Variants in FHIT observed in about 807,000 individuals in gnomAD.
FHIT encodes the protein fragile histidine triad diadenosine triphosphatase.
A neutral mutation model predicts 17.9 loss-of-function variants in FHIT; 19 were observed. That is an observed-to-expected ratio of 1.06 (90% CI 0.74 to 1.56). FHIT has a LOEUF of 1.56. Among genes scored for constraint, FHIT ranks in the 40% most tolerant of loss-of-function variants. FHIT has a pLI of 0.00. For missense variants in FHIT, 248 were observed against 189.2 expected (o/e 1.31, Z -1.82); for synonymous variants, 81 against 69.7 (o/e 1.16, Z -0.81).
chr3:60,620,409 T>G (rs2039086785), intron 4 of FHIT, among the ~76,000 whole-genome samples: 1 of 152,140 alleles, frequency 6.6e-6, no homozygotes, highest in African/African-American at 2.4e-5. Context: ...TGACCTTCAG[T>G]AAGTGAATGA....
chr3:60,902,263 C>T (rs180796018), intron 3 of FHIT, among the ~76,000 whole-genome samples: 1 of 152,110 alleles, frequency 6.6e-6, no homozygotes, highest in African/African-American at 2.4e-5. Flanking sequence ...AATCATAAAC[C>T]ATTTATGTCT....
intron 7 of FHIT, among the ~76,000 whole-genome samples, chr3:59,945,402 A>T (rs1216739537): frequency 1.3e-5 from 2 of 152,030 alleles, no homozygotes; most frequent in Non-Finnish European, 2.9e-5. Flanking sequence ...TAAATTCCTT[A>T]TAGAGTCTGA....
chr3:60,199,488 G>A (rs138585662), intron 5 of FHIT, among the ~76,000 whole-genome samples: 244 of 152,176 alleles, frequency 1.6e-3, no homozygotes, highest in African/African-American at 5.8e-3. Flanking sequence ...ATTTAACTGT[G>A]GGTCCTCAAA....
intron 5 of FHIT, among the ~76,000 whole-genome samples, chr3:60,119,462 G>A (rs1438336070): frequency 2.6e-5 from 4 of 152,102 alleles, no homozygotes; most frequent in Admixed American, 2.6e-4. Flanking sequence ...TAATATGGAA[G>A]CACTCATTTT....
At chr3:60,704,331 C>T (rs1196979587) in intron 4 of FHIT, among the ~76,000 whole-genome samples, 1 of 152,076 alleles carries the variant, frequency 6.6e-6, no homozygotes, top group Non-Finnish European at 1.5e-5. Context: ...TACAATAAAG[C>T]TTCTATTTTT....
intron 2 of FHIT, among the ~76,000 whole-genome samples, chr3:61,099,488 G>A (rs997458640): frequency 1.3e-5 from 2 of 152,134 alleles, no homozygotes; most frequent in Non-Finnish European, 2.9e-5. Flanking sequence ...CAGCAGGAAT[G>A]CTACCAGCTC....
In FHIT at chr3:60,450,580, G is replaced by A. The variant is rs1168338829; in HGVS notation, c.103+86280C>T. ...TTCATAATGAGAGAAAGATAATGCA[G>A]AGCAGGAAGAGAGATTTTAAAAAAT... On this transcript the variant is annotated intron_variant, in intron 5 of 9. Coordinates refer to ENST00000492590, the MANE Select transcript of FHIT (RefSeq NM_002012.4). 2.0e-5 allele frequency among the ~76,000 whole-genome samples: 3 copies of A among 152,144 alleles called. No homozygotes were observed. In the East Asian group the frequency reaches 5.8e-4, roughly 29 times the overall value.
chr3:60,444,146 A>G (rs2031144296), intron 5 of FHIT, among the ~76,000 whole-genome samples: 1 of 152,188 alleles, frequency 6.6e-6, no homozygotes, highest in Non-Finnish European at 1.5e-5. Flanking sequence ...ACAGTGAGAT[A>G]CCATCTCACA....
At chr3:60,543,202 G>T (rs1480763238) in intron 4 of FHIT, among the ~76,000 whole-genome samples, 3 of 152,138 alleles carry the variant, frequency 2.0e-5, no homozygotes, top group Non-Finnish European at 4.4e-5. Context: ...GAGTAGGCGT[G>T]GCTGTGCCCC....
chr3:60,652,344 T>C (rs1553688480), intron 4 of FHIT, among the ~76,000 whole-genome samples: 3 of 152,078 alleles, frequency 2.0e-5, no homozygotes, highest in Non-Finnish European at 4.4e-5. Flanking sequence ...TTCACGTCTG[T>C]AATCCCAGCA....
At chr3:60,960,253 G>A (rs1488502164) in intron 3 of FHIT, among the ~76,000 whole-genome samples, 1 of 152,176 alleles carries the variant, frequency 6.6e-6, no homozygotes, top group Non-Finnish European at 1.5e-5. Context: ...AGTCGACTGA[G>A]AGATGACTTT....
chr3:60,059,288 C>T (rs1466105626), intron 5 of FHIT, among the ~76,000 whole-genome samples: 1 of 152,148 alleles, frequency 6.6e-6, no homozygotes, highest in African/African-American at 2.4e-5. Context: ...ATATGGTTTT[C>T]TGGGGCATTC....
intron 4 of FHIT, among the ~76,000 whole-genome samples, chr3:60,778,002 C>A (rs1700263462): frequency 6.6e-6 from 1 of 152,158 alleles, no homozygotes; most frequent in Non-Finnish European, 1.5e-5. Context: ...TCAAATACTT[C>A]AGAGGGCCCC....
At chr3:59,934,393 C>A (rs1706127277) in intron 7 of FHIT, among the ~76,000 whole-genome samples, 1 of 152,054 alleles carries the variant, frequency 6.6e-6, no homozygotes, top group Non-Finnish European at 1.5e-5. Flanking sequence ...TGCTATTCAA[C>A]CTTATGACAG....
At chr3:60,842,507 T>C (rs1408863519) in intron 3 of FHIT, among the ~76,000 whole-genome samples, 9 of 151,240 alleles carry the variant, frequency 6.0e-5, no homozygotes, top group African/African-American at 2.2e-4. Context: ...AAGGTATATG[T>C]GATATTTTTT....
intron 2 of FHIT, among the ~76,000 whole-genome samples, chr3:61,181,283 A>G (rs2038334461): frequency 6.6e-6 from 1 of 152,224 alleles, no homozygotes; most frequent in African/African-American, 2.4e-5. Flanking sequence ...AACAATCAAG[A>G]GGCTATAGCA....
chr3:59,932,207 C>T (rs1374703574), intron 7 of FHIT, among the ~76,000 whole-genome samples: 1 of 152,166 alleles, frequency 6.6e-6, no homozygotes, highest in African/African-American at 2.4e-5. Context: ...TCATCATCAT[C>T]CCAAAGACTG....
chr3:60,269,819 A>G (rs1319689302), intron 5 of FHIT, among the ~76,000 whole-genome samples: 6 of 152,220 alleles, frequency 3.9e-5, no homozygotes, highest in Admixed American at 2.6e-4. Context: ...AGGAACTTTG[A>G]GGGAGAAATG....
At chr3:60,736,539 C>T (rs1002454209) in intron 4 of FHIT, among the ~76,000 whole-genome samples, 11 of 152,140 alleles carry the variant, frequency 7.2e-5, no homozygotes, top group Non-Finnish European at 1.5e-4. Flanking sequence ...AAAAGCTAGT[C>T]ACAAAGACCA....
Sources: allele counts gnomAD v4.1 joint callset (sites outside exome capture counted in the v4.1 genomes callset), GRCh38; gene constraint gnomAD v4.1.1; transcripts MANE v1.5; gene names NCBI Gene and HGNC (gene_info 2026-07-23, HGNC 2026-07-21).